Variants in KMO observed in about 807,000 individuals in gnomAD.
KMO encodes the protein kynurenine 3-monooxygenase, also known as kynurenine 3-hydroxylase.
A neutral mutation model predicts 57.8 loss-of-function variants in KMO; 24 were observed. That is an observed-to-expected ratio of 0.42 (90% CI 0.30 to 0.58). The LOEUF is 0.58. KMO is among the 20% of genes least tolerant of loss of function. The pLI, the probability that KMO is intolerant of heterozygous loss-of-function variation, is 0.22. For missense variants in KMO, 483 were observed against 588.2 expected (o/e 0.82, Z 1.85); for synonymous variants, 210 against 193.6 (o/e 1.08, Z -0.70).
In KMO at chr1:241,568,655, C is replaced by T. The variant is rs763392964; in HGVS notation, c.957+8C>T. ...GGGCAAGGAATGAATGCGGTAAGTT[C>T]TTTTTCCCTAGGTAAGTCCCTCAAA... On this transcript the variant is annotated splice_region_variant and intron_variant, in intron 10 of 14. Transcript: ENST00000366559. 6.2e-7 allele frequency: 1 copy of T among 1,612,430 alleles called. No homozygotes were observed. Among genetic ancestry groups the T allele is most frequent in the Non-Finnish European group, 8.5e-7 (1 of 1,179,036 alleles).
intron 7 of KMO, among the ~76,000 whole-genome samples, chr1:241,563,017 G>A (rs988001185): frequency 2.6e-5 from 4 of 152,052 alleles, no homozygotes; most frequent in Admixed American, 2.6e-4. Flanking sequence ...AAATAATATC[G>A]TTTGTCTATG....
chr1:241,572,972 CT>C (rs1339537346), intron 10 of KMO, among the ~76,000 whole-genome samples: 2 of 152,096 alleles, frequency 1.3e-5, no homozygotes, highest in South Asian at 2.1e-4. Flanking sequence ...TTATTTCATA[CT>C]TTTTTACGGT....
intron 12 of KMO, 82 bp downstream of exon 12, chr1:241,588,912 GC>G (rs1663133694): frequency 3.0e-6 from 3 of 1,003,230 alleles, no homozygotes; most frequent in East Asian, 4.9e-5. Context: ...CTTTGCTTCA[GC>G]CCCCATCTCA....
Position 241,594,919 on chromosome 1 carries a change from C to T in KMO, c.*2766C>T, listed in dbSNP as rs1237650061. 8.3e-6 allele frequency: 4 copies of T among 481,858 alleles called. No homozygotes were observed. Among genetic ancestry groups the T allele is most frequent in the African/African-American group, 3.9e-5 (2 of 51,450 alleles). 29.8% of individuals were successfully genotyped at this position (481,858 alleles called of 1,614,324 possible). ...CGGAATATGTAGGACCATTTCAATA[C>T]CTTGTAATCCTCCAAGCTTCAATCT... On this transcript the variant is annotated 3_prime_UTR_variant, in exon 15 of 15. Coordinates refer to ENST00000366559, the MANE Select transcript of KMO (RefSeq NM_003679.5).
chr1:241,542,956 T>G (rs887361903), intron 1 of KMO, among the ~76,000 whole-genome samples: 3 of 152,204 alleles, frequency 2.0e-5, no homozygotes, highest in Non-Finnish European at 4.4e-5. Context: ...TTACTACCCC[T>G]TCTGGCTGAA....
chr1:241,556,537 T>G (rs12086193), intron 5 of KMO, among the ~76,000 whole-genome samples: 8,705 of 152,274 alleles, frequency 0.057, 738 homozygotes, highest in African/African-American at 0.19. Context: ...ACTCACACTC[T>G]AATGGAACGA....
chr1:241,538,267 C>G (rs2147938679), intron 1 of KMO, among the ~76,000 whole-genome samples: 1 of 152,224 alleles, frequency 6.6e-6, no homozygotes, highest in East Asian at 1.9e-4. Flanking sequence ...GGGCCTGCAA[C>G]TCTCTTCTTT....
At chr1:241,549,256 A>AGAAAGAAAGAAAGTCG (rs1553346343) in intron 2 of KMO, among the ~76,000 whole-genome samples, 26 of 114,902 alleles carry the variant, frequency 2.3e-4, no homozygotes, top group South Asian at 2.0e-3. Context: ...AAAGAAAGAA[A>AGAAAGAAAGAAAGTCG]GAAAGAAAGA....
Position 241,594,929 on chromosome 1 carries a change from C to G in KMO, c.*2776C>G. 1 of 452,954 alleles carries G rather than the reference C, an allele frequency of 2.2e-6. No individual in the cohort carries two copies. Among genetic ancestry groups the G allele is most frequent in the East Asian group, 3.7e-5 (1 of 26,818 alleles). 28.1% of individuals were successfully genotyped at this position (452,954 alleles called of 1,614,324 possible). On this transcript the variant is annotated 3_prime_UTR_variant, in exon 15 of 15. Coordinates refer to ENST00000366559, the MANE Select transcript of KMO (RefSeq NM_003679.5). ...AGGACCATTTCAATACCTTGTAATC[C>G]TCCAAGCTTCAATCTGCACACACTT...
chr1:241,549,876 A>G, intron 3 of KMO, 102 bp downstream of exon 3: 2 of 757,496 alleles, frequency 2.6e-6, no homozygotes, highest in Non-Finnish European at 4.3e-6. Flanking sequence ...TAATACCAAG[A>G]ATCTCTGCAT....
chr1:241,582,087 A>G (rs1662773709), intron 10 of KMO, among the ~76,000 whole-genome samples: 1 of 152,144 alleles, frequency 6.6e-6, no homozygotes, highest in Admixed American at 6.6e-5. Flanking sequence ...GAATATGCCA[A>G]TCCATTCTCT....
At chr1:241,577,189 G>A (rs1180068821) in intron 10 of KMO, among the ~76,000 whole-genome samples, 3 of 152,040 alleles carry the variant, frequency 2.0e-5, no homozygotes, top group Non-Finnish European at 2.9e-5. Context: ...TCTCTGGCAT[G>A]TTCTTGAGTA....
At chr1:241,586,141 A>G (rs1662969671) in intron 10 of KMO, among the ~76,000 whole-genome samples, 1 of 150,496 alleles carries the variant, frequency 6.6e-6, no homozygotes. Context: ...ACTGTATCAT[A>G]TATATGTAAA....
intron 1 of KMO, among the ~76,000 whole-genome samples, chr1:241,539,789 G>A (rs1932440): frequency 0.77 from 116,422 of 152,042 alleles, 47,430 homozygotes; most frequent in Non-Finnish European, 0.89. Context: ...AACGGGGCAG[G>A]TAGAAGGAGG....
At position 241,590,117 on chromosome 1, in the gene KMO, A is replaced by G. The variant is rs1196622633; in HGVS notation, c.1200+4A>G. ...CTTTATCCCTCTCTATACAATGGTA[A>G]GGTCTGGACTGAAGACTTTTCCTCA... is the stretch of plus-strand genomic sequence containing the variant. On this transcript the variant is annotated splice_donor_region_variant and intron_variant, in intron 13 of 14. Coordinates refer to ENST00000366559, the MANE Select transcript of KMO (RefSeq NM_003679.5). 4.3e-6 allele frequency: 7 copies of G among 1,610,090 alleles called. No homozygotes were observed. The South Asian group carries it at 6.6e-5, about 15-fold the overall frequency.
chr1:241,542,488 A>T (rs1255751209), intron 1 of KMO, among the ~76,000 whole-genome samples: 1 of 152,240 alleles, frequency 6.6e-6, no homozygotes, highest in Non-Finnish European at 1.5e-5. Flanking sequence ...CTGGTTATTC[A>T]TAAAAATGTT....
intron 11 of KMO, among the ~76,000 whole-genome samples, chr1:241,587,299 C>T (rs1299062103): frequency 1.3e-5 from 2 of 152,112 alleles, no homozygotes; most frequent in African/African-American, 2.4e-5. Context: ...TGACAGGAGG[C>T]GGAGCTTGGG....
rs747166377 is a variant in KMO at position 241,568,588 on chromosome 1, G to A, written c.898G>A (p.Val300Ile). 17 of 1,613,856 alleles carry A rather than the reference G, an allele frequency of 1.1e-5. No homozygotes were observed. The highest frequency in any genetic ancestry group is 1.4e-5 in the Non-Finnish European group (17 of 1,179,894). ...TTCATTTCACTTTAAATCTCACTGT[G>A]TACTGCTGGGAGATGCAGCTCATGC... ...CSSFHFKSHC[V>I]LLGDAAHAIV... is the part of the protein sequence containing the mutation. The change falls in exon 10 of 15, where the codon GTA (valine) becomes ATA (isoleucine). Residue 300 changes from valine (V) to isoleucine (I), a missense_variant. Physicochemically the swap from Val to Ile is conservative, Grantham distance 29. Coordinates refer to ENST00000366559, the MANE Select transcript of KMO (RefSeq NM_003679.5).
chr1:241,541,426 C>T (rs2050512), intron 1 of KMO, among the ~76,000 whole-genome samples: 43,755 of 151,786 alleles, frequency 0.29, 8,100 homozygotes, highest in East Asian at 0.6. Flanking sequence ...AATGAGAGGG[C>T]TGAGGAATGG....
Sources: gnomAD v4.1 joint callset for allele counts (sites outside exome capture counted in the v4.1 genomes callset) on GRCh38, gnomAD v4.1.1 for gene constraint, MANE v1.5 for transcripts, NCBI Gene and HGNC (gene_info 2026-07-23, HGNC 2026-07-21) for gene names.